HS3ST4: variants seen among roughly 807,000 people sequenced by gnomAD.
HS3ST4 encodes the protein heparan sulfate-glucosamine 3-sulfotransferase 4.
Under a neutral mutation model 29.2 loss-of-function variants are expected in HS3ST4, and 17 were observed. That is an observed-to-expected ratio of 0.58 (90% CI 0.40 to 0.87). The LOEUF is 0.87. HS3ST4 is among the 40% of genes least tolerant of loss of function. HS3ST4 has a pLI of 0.00. For missense variants in HS3ST4, 627 were observed against 634.5 expected, an observed-to-expected ratio of 0.99 and a Z score of 0.13; for synonymous variants, 314 against 285.7, an observed-to-expected ratio of 1.10 and a Z score of -1.00.
intron 1 of HS3ST4, among the ~76,000 whole-genome samples, chr16:26,080,590 C>T (rs563624393): frequency 7.9e-5 from 12 of 152,150 alleles, no homozygotes; most frequent in East Asian, 1.9e-4. Flanking sequence ...GTGTGGGCAA[C>T]GGAAACATAA....
intron 1 of HS3ST4, among the ~76,000 whole-genome samples, chr16:25,734,306 G>A (rs1053967031): frequency 2.0e-5 from 3 of 152,074 alleles, no homozygotes; most frequent in East Asian, 1.9e-4. Context: ...TGTAAAAATC[G>A]CAGAATGTGC....
intron 1 of HS3ST4, among the ~76,000 whole-genome samples, chr16:26,032,338 A>T (rs1156293703): frequency 6.6e-6 from 1 of 152,112 alleles, no homozygotes; most frequent in Non-Finnish European, 1.5e-5. Context: ...CTCCACATCA[A>T]TCCAGCTTTG....
intron 1 of HS3ST4, among the ~76,000 whole-genome samples, chr16:25,747,272 T>A (rs904630068): frequency 6.6e-6 from 1 of 152,240 alleles, no homozygotes; most frequent in Non-Finnish European, 1.5e-5. Flanking sequence ...TTTCTAGCCA[T>A]TACAGGCTGG....
intron 1 of HS3ST4, among the ~76,000 whole-genome samples, chr16:25,762,272 C>G (rs1402493465): frequency 6.6e-6 from 1 of 152,096 alleles, no homozygotes; most frequent in Non-Finnish European, 1.5e-5. Flanking sequence ...ACTGAGACAC[C>G]CAGGTACTTG....
chr16:25,914,624 G>A (rs1157928271), intron 1 of HS3ST4, among the ~76,000 whole-genome samples: 1 of 150,838 alleles, frequency 6.6e-6, no homozygotes, highest in East Asian at 2.0e-4. Context: ...TGTGGGGTGT[G>A]TGTGGTGTGT....
chr16:26,026,687 G>A (rs1437181918), intron 1 of HS3ST4, among the ~76,000 whole-genome samples: 2 of 152,134 alleles, frequency 1.3e-5, no homozygotes, highest in South Asian at 2.1e-4. Context: ...TTCTGCTCAT[G>A]TCATTTCTCC....
intron 1 of HS3ST4, among the ~76,000 whole-genome samples, chr16:25,706,203 C>T (rs919578751): frequency 3.3e-5 from 5 of 152,094 alleles, no homozygotes; most frequent in South Asian, 4.2e-4. Context: ...TACGGAGCTA[C>T]GGGTCACACT....
chr16:26,062,419 T>A (rs2141771641), intron 1 of HS3ST4, among the ~76,000 whole-genome samples: 1 of 152,312 alleles, frequency 6.6e-6, no homozygotes, highest in South Asian at 2.1e-4. Flanking sequence ...GTTCTTCTCA[T>A]CTAGATTTCT....
intron 1 of HS3ST4, among the ~76,000 whole-genome samples, chr16:26,100,981 A>G (rs1266773896): frequency 1.3e-5 from 2 of 152,216 alleles, no homozygotes; most frequent in Non-Finnish European, 2.9e-5. Flanking sequence ...AGTCTTCCCC[A>G]GCTCAGAAAA....
intron 1 of HS3ST4, among the ~76,000 whole-genome samples, chr16:25,993,100 C>G (rs1433312692): frequency 6.6e-6 from 1 of 152,068 alleles, no homozygotes; most frequent in Non-Finnish European, 1.5e-5. Flanking sequence ...ATTGGGAGTT[C>G]AGACCAAAGC....
chr16:26,062,128 A>C lies in HS3ST4; in HGVS notation c.735-73484A>C, dbSNP rs147942517. Reference sequence around the variant, plus strand: ...AAGATTAATGAGCTTTGAGTGGGTAAAACAGCACATGCCCATTATTCAGCC... The same window carrying C: ...AAGATTAATGAGCTTTGAGTGGGTACAACAGCACATGCCCATTATTCAGCC... On this transcript the variant is annotated intron_variant, in intron 1 of 1. Transcript: ENST00000331351. Among the ~76,000 whole-genome samples the C allele has an allele frequency of 2.6e-4, 40 of 152,294 alleles. 1 individual carries two copies. In the East Asian group the frequency reaches 5.2e-3, roughly 20 times the overall value.
intron 1 of HS3ST4, among the ~76,000 whole-genome samples, chr16:25,932,698 T>C (rs1228953492): frequency 6.6e-6 from 1 of 152,222 alleles, no homozygotes; most frequent in Non-Finnish European, 1.5e-5. Context: ...TGATCCTATG[T>C]ACCCTTCACA....
intron 1 of HS3ST4, among the ~76,000 whole-genome samples, chr16:25,890,912 G>C (rs1356291353): frequency 6.6e-6 from 1 of 152,068 alleles, no homozygotes; most frequent in African/African-American, 2.4e-5. Flanking sequence ...CTCCATTTCT[G>C]AGCCATGATT....
chr16:25,714,226 A>G (rs1966436595), intron 1 of HS3ST4, among the ~76,000 whole-genome samples: 1 of 152,226 alleles, frequency 6.6e-6, no homozygotes, highest in Admixed American at 6.5e-5. Flanking sequence ...TGAAAATAAA[A>G]TAAAGACTCT....
chr16:26,034,669 G>C (rs1049592879), intron 1 of HS3ST4, among the ~76,000 whole-genome samples: 26 of 104,232 alleles, frequency 2.5e-4, no homozygotes, highest in Non-Finnish European at 4.1e-4. Flanking sequence ...TAGCAGGGGC[G>C]GGGGGGGGTC....
rs1438629375 is a variant in HS3ST4 at position 25,878,421 on chromosome 16, T to C, written c.734+185270T>C. Among the ~76,000 whole-genome samples the C allele has an allele frequency of 2.0e-5, 3 of 152,316 alleles. No homozygotes were observed. In the East Asian group the frequency reaches 5.8e-4, roughly 29 times the overall value. On this transcript the variant is annotated intron_variant, in intron 1 of 1. Transcript: ENST00000331351. ...TTTGTTTAATGATGCTCAGAAGTGCTAGTATCTATCAGAATGGTACCCAAA... is the reference window on the plus strand; with the variant it reads ...TTTGTTTAATGATGCTCAGAAGTGCCAGTATCTATCAGAATGGTACCCAAA...
chr16:25,885,417 AG>A (rs1477900361), intron 1 of HS3ST4, among the ~76,000 whole-genome samples: 1 of 152,206 alleles, frequency 6.6e-6, no homozygotes, highest in Non-Finnish European at 1.5e-5. Flanking sequence ...AAAACCCTCT[AG>A]GAAGCTGGGA....
intron 1 of HS3ST4, among the ~76,000 whole-genome samples, chr16:25,903,319 T>TTA (rs1246899199): frequency 3.6e-5 from 4 of 112,598 alleles, no homozygotes; most frequent in African/African-American, 1.3e-4. Flanking sequence ...TATGTATATA[T>TTA]TATATATATG....
intron 1 of HS3ST4, chr16:26,063,206 C>G (rs1473206125): frequency 2.0e-5 from 3 of 152,430 alleles, no homozygotes; most frequent in African/African-American, 7.2e-5. Flanking sequence ...TCCATACTTC[C>G]CAGAATTTCT....
Sources: allele counts gnomAD v4.1 joint callset (sites outside exome capture counted in the v4.1 genomes callset), GRCh38; gene constraint gnomAD v4.1.1; transcripts MANE v1.5; gene names NCBI Gene and HGNC (gene_info 2026-07-23, HGNC 2026-07-21).